Variants in CIT observed in about 807,000 individuals in gnomAD.
The protein encoded by CIT is citron Rho-interacting kinase.
A neutral mutation model predicts 272.7 loss-of-function variants in CIT; 79 were observed. That is an observed-to-expected ratio of 0.29 (90% CI 0.24 to 0.35). The LOEUF is 0.35. Ranked by LOEUF, CIT falls within the 10% of genes least tolerant of loss-of-function variation. The pLI is 1.00. For missense variants in CIT, 1,909 were observed against 2,618.3 expected (o/e 0.73, Z 5.91); for synonymous variants, 948 against 995.6 (o/e 0.95, Z 0.90).
chr12:119,738,533 T>C (rs961870651), intron 24 of CIT, among the ~76,000 whole-genome samples: 4 of 152,180 alleles, frequency 2.6e-5, no homozygotes, highest in Non-Finnish European at 2.9e-5. Context: ...AGCTTTCTTA[T>C]ATGCTGTTTT....
chr12:119,777,002 C>A (rs1009342877), intron 13 of CIT, among the ~76,000 whole-genome samples, 160 bp from the exon 14 acceptor site: 1 of 152,202 alleles, frequency 6.6e-6, no homozygotes, highest in African/African-American at 2.4e-5. Context: ...CGCCTGTAAT[C>A]CCAGCACTTT....
At chr12:119,729,397 A>C (rs990480412) in intron 27 of CIT, among the ~76,000 whole-genome samples, 1 of 152,198 alleles carries the variant, frequency 6.6e-6, no homozygotes, top group Admixed American at 6.5e-5. Flanking sequence ...TGTTTATCAT[A>C]TTGTTATTTA....
intron 4 of CIT, among the ~76,000 whole-genome samples, chr12:119,853,332 A>G (rs1249051163): frequency 3.3e-5 from 5 of 152,116 alleles, no homozygotes; most frequent in Non-Finnish European, 7.4e-5. Flanking sequence ...TCCAAAAAAA[A>G]AAAAAAAAAT....
chr12:119,811,680 T>A (rs1233858304), intron 9 of CIT, among the ~76,000 whole-genome samples: 2 of 152,236 alleles, frequency 1.3e-5, no homozygotes, highest in African/African-American at 4.8e-5. Flanking sequence ...AATCAAGTTA[T>A]GTTTCCCCAA....
chr12:119,717,606 A>G (rs7303046), intron 32 of CIT, among the ~76,000 whole-genome samples: 81,400 of 149,406 alleles, frequency 0.54, 22,231 homozygotes, highest in Admixed American at 0.62. Flanking sequence ...TTTTTAGTAG[A>G]AACGAGGTTT....
intron 12 of CIT, chr12:119,783,623 T>C (rs527490750): frequency 2.8e-4 from 74 of 261,584 alleles, no homozygotes; most frequent in Admixed American, 1.6e-3. Context: ...GATGTTAAGA[T>C]CTTTTGCAAC....
chr12:119,824,241 G>A (rs1033159807), intron 8 of CIT, among the ~76,000 whole-genome samples: 1 of 150,862 alleles, frequency 6.6e-6, no homozygotes, highest in Admixed American at 6.6e-5. Context: ...GGAGTATATC[G>A]AAAAATCAAG....
chr12:119,783,824 T>C (rs1964523994), intron 12 of CIT, 84 bp downstream of exon 12: 1 of 1,476,034 alleles, frequency 6.8e-7, no homozygotes, highest in East Asian at 2.3e-5. Context: ...GTGATGTGCC[T>C]CATGGAGCCA....
At chr12:119,782,296 G>A (rs1364643892) in intron 13 of CIT, 1 of 422,878 alleles carries the variant, frequency 2.4e-6, no homozygotes, top group Non-Finnish European at 4.2e-6. Context: ...GACATTATGG[G>A]GTATCAGCTT....
At chr12:119,874,297 C>A (rs574313213) in intron 2 of CIT, among the ~76,000 whole-genome samples, 10 of 152,174 alleles carry the variant, frequency 6.6e-5, no homozygotes, top group African/African-American at 1.9e-4. Context: ...GTCTCGAACC[C>A]GTGACCTCAA....
At chr12:119,752,383 G>A in intron 22 of CIT, 136 bp from the exon 23 acceptor site, 2 of 768,034 alleles carry the variant, frequency 2.6e-6, no homozygotes, top group Non-Finnish European at 4.0e-6. Flanking sequence ...ACTCGATAGA[G>A]GAGAGGAAAA....
In CIT at chr12:119,690,899, C is replaced by T. The variant is rs955984235; in HGVS notation, c.5883-445G>A. On this transcript the variant is annotated intron_variant, in intron 46 of 47. Transcript: ENST00000392521. The surrounding 1 kb of genome is among the most constrained non-coding windows in gnomAD (Gnocchi z 6.0). ...ATAAAGACCAGTTTGATAGGCCAGGCGCAGTGGCGCACACCTGTAATCCCA... is the reference window on the plus strand; with the variant it reads ...ATAAAGACCAGTTTGATAGGCCAGGTGCAGTGGCGCACACCTGTAATCCCA... 5.9e-5 allele frequency among the ~76,000 whole-genome samples: 9 copies of T among 152,336 alleles called. No individual in the cohort carries two copies. Among genetic ancestry groups the T allele is most frequent in the East Asian group, 5.8e-4 (3 of 5,178 alleles).
intron 30 of CIT, 143 bp from the exon 31 acceptor site, chr12:119,719,004 A>T: frequency 1.3e-6 from 1 of 787,008 alleles, no homozygotes; most frequent in Non-Finnish European, 2.0e-6. Flanking sequence ...TGGCATGTGA[A>T]GGGGGGGAAG....
At chr12:119,764,542 G>A (rs1962183869) in intron 19 of CIT, among the ~76,000 whole-genome samples, 1 of 151,388 alleles carries the variant, frequency 6.6e-6, no homozygotes, top group African/African-American at 2.4e-5. Context: ...CTTAAGCCCA[G>A]GTTGCAATGA....
chr12:119,784,543 T>A lies in CIT; in HGVS notation c.1401+417A>T, dbSNP rs552270726. The A allele has an allele frequency of 1.7e-6, 2 of 1,178,122 alleles. No individual in the cohort carries two copies. Among genetic ancestry groups the A allele is most frequent in the African/African-American group, 3.2e-5 (2 of 62,740 alleles). The allele number at this position is 1,178,122 out of a possible 1,614,324, so 73.0% of individuals were successfully genotyped here. ...GTTGCCTCTGGGCAGGAACAGTGAATGTTAAGAGACGTTGAGCGTAATCAA... is the reference window on the plus strand; with the variant it reads ...GTTGCCTCTGGGCAGGAACAGTGAAAGTTAAGAGACGTTGAGCGTAATCAA... On this transcript the variant is annotated intron_variant, in intron 11 of 47. Transcript: ENST00000392521. This position sits in a 1 kb window ranked among gnomAD's most constrained non-coding sequence, Gnocchi z 4.7.
rs536898778 is a variant in CIT, at chr12:119,726,801, T to C, written c.3591+1701A>G. Among the ~76,000 whole-genome samples, 40 of 152,230 alleles carry C rather than the reference T, an allele frequency of 2.6e-4. No homozygotes were observed. In the South Asian group the frequency reaches 4.4e-3, roughly 17 times the overall value. On this transcript the variant is annotated intron_variant, in intron 28 of 47. Transcript: ENST00000392521. ...AGTGATTCAACACACAGGGCTCTGG[T>C]TGGGGAGTGGGAGGTAGTCATCAAT...
At chr12:119,731,402 G>C (rs1233568045) in intron 26 of CIT, among the ~76,000 whole-genome samples, 3 of 150,912 alleles carry the variant, frequency 2.0e-5, no homozygotes, top group African/African-American at 7.3e-5. Context: ...CTTGAACTCG[G>C]GAGGCAGAGT....
intron 5 of CIT, among the ~76,000 whole-genome samples, chr12:119,849,390 G>A (rs1970049306): frequency 6.6e-6 from 1 of 151,926 alleles, no homozygotes; most frequent in African/African-American, 2.4e-5. Context: ...TAGTGCCACC[G>A]CACTCCAGCC....
chr12:119,728,511 A>C lies in CIT; in HGVS notation c.3582T>G (p.Leu1194=). The change falls in exon 28 of 48, where the codon CTT becomes CTG. Residue 1194 remains leucine, a synonymous_variant. Coordinates refer to ENST00000392521, the MANE Select transcript of CIT (RefSeq NM_001206999.2). This position sits in a 1 kb window ranked among gnomAD's most constrained non-coding sequence, Gnocchi z 4.3. ...LETERELKQR[L]LEEQAKLQQQ... is the part of the protein sequence containing the mutation. ...GGTATTTCACACTCACCTCTTCCAGAAGCCTCTGTTTGAGCTCTCGTTCAG... is the reference window on the plus strand; with the variant it reads ...GGTATTTCACACTCACCTCTTCCAGCAGCCTCTGTTTGAGCTCTCGTTCAG... The C allele has an allele frequency of 7.5e-6, 12 of 1,608,104 alleles. No homozygotes were observed. The highest frequency in any genetic ancestry group is 1.0e-5 in the Non-Finnish European group (12 of 1,177,212).
Sources: allele counts gnomAD v4.1 joint callset (sites outside exome capture counted in the v4.1 genomes callset), GRCh38; gene constraint gnomAD v4.1.1; non-coding constraint Gnocchi (gnomAD v3.1); transcripts MANE v1.5; gene names NCBI Gene and HGNC (gene_info 2026-07-23, HGNC 2026-07-21).